The following TNRC6A variants were observed in gnomAD, a reference collection of about 807,000 sequenced individuals.
The protein encoded by TNRC6A is trinucleotide repeat-containing gene 6A protein.
A neutral mutation model predicts 221.2 loss-of-function variants in TNRC6A; 44 were observed. The ratio of observed to expected loss-of-function variants is 0.20; its 90% CI spans 0.16 to 0.26. TNRC6A has a LOEUF of 0.26. Ranked by LOEUF, TNRC6A falls within the 10% of genes least tolerant of loss-of-function variation. The pLI, the probability that TNRC6A is intolerant of heterozygous loss-of-function variation, is 1.00. For synonymous variants in TNRC6A, 847 were observed against 838.5 expected (o/e 1.01, Z -0.18); for missense variants, 2,199 against 2,404.4 (o/e 0.91, Z 1.79).
At chr16:24,685,845 A>G (rs747725405) in intron 2 of TNRC6A, among the ~76,000 whole-genome samples, 6 of 152,192 alleles carry the variant, frequency 3.9e-5, no homozygotes, top group Non-Finnish European at 5.9e-5. Flanking sequence ...TTCTAGATCC[A>G]AAATGTGTAG....
chr16:24,685,059 A>G (rs1215368175), intron 2 of TNRC6A, among the ~76,000 whole-genome samples: 1 of 152,066 alleles, frequency 6.6e-6, no homozygotes, highest in Admixed American at 6.6e-5. Flanking sequence ...CAAGAGGCCA[A>G]ATCCTTCCAA....
intron 2 of TNRC6A, among the ~76,000 whole-genome samples, chr16:24,689,843 T>C (rs2055715976): frequency 6.6e-6 from 1 of 151,898 alleles, no homozygotes. Context: ...CTCGAACCCC[T>C]GGGCTCAAGC....
intron 2 of TNRC6A, among the ~76,000 whole-genome samples, chr16:24,745,490 T>C (rs1434556912): frequency 6.6e-6 from 1 of 152,168 alleles, no homozygotes; most frequent in African/African-American, 2.4e-5. Flanking sequence ...TGGCAGAAGA[T>C]GTAAAGTGTA....
chr16:24,733,122 C>T (rs1265293395), intron 2 of TNRC6A, among the ~76,000 whole-genome samples: 1 of 152,044 alleles, frequency 6.6e-6, no homozygotes, highest in Admixed American at 6.5e-5. Context: ...GAGGCTGAGT[C>T]AGGAGAATTA....
intron 2 of TNRC6A, among the ~76,000 whole-genome samples, chr16:24,720,980 G>A (rs887323981): frequency 5.9e-5 from 9 of 152,144 alleles, no homozygotes; most frequent in Non-Finnish European, 7.4e-5. Flanking sequence ...GCATGAACCC[G>A]GGAGGTGGAG....
chr16:24,675,698 C>CTATATA (rs2055402994), intron 2 of TNRC6A, among the ~76,000 whole-genome samples: 2 of 66,588 alleles, frequency 3.0e-5, no homozygotes, highest in Non-Finnish European at 5.9e-5. Flanking sequence ...CTCTCTCTCT[C>CTATATA]TCTCTATATA....
At chr16:24,670,609 G>C (rs1353795613) in intron 2 of TNRC6A, among the ~76,000 whole-genome samples, 1 of 152,070 alleles carries the variant, frequency 6.6e-6, no homozygotes, top group African/African-American at 2.4e-5. Flanking sequence ...TCTCCTGTCT[G>C]TACTCCCTCT....
intron 2 of TNRC6A, among the ~76,000 whole-genome samples, chr16:24,648,389 G>A (rs1469454724): frequency 6.7e-6 from 1 of 149,666 alleles, no homozygotes; most frequent in Non-Finnish European, 1.5e-5. Flanking sequence ...TCCTGCCTCA[G>A]CCTCCCAAGT....
chr16:24,813,851 A>G (rs1393969460), intron 18 of TNRC6A, among the ~76,000 whole-genome samples: 2 of 152,268 alleles, frequency 1.3e-5, no homozygotes, highest in East Asian at 1.9e-4. Context: ...AGTTTTCATA[A>G]GTGGAAATTG....
At chr16:24,757,349 T>C (rs2057274648) in intron 3 of TNRC6A, among the ~76,000 whole-genome samples, 1 of 152,178 alleles carries the variant, frequency 6.6e-6, no homozygotes, top group Non-Finnish European at 1.5e-5. Flanking sequence ...TAAAATGGTA[T>C]TTTTGATAAC....
At chr16:24,618,252 C>T (rs979818164) in intron 1 of TNRC6A, among the ~76,000 whole-genome samples, 1 of 152,162 alleles carries the variant, frequency 6.6e-6, no homozygotes, top group Non-Finnish European at 1.5e-5. Flanking sequence ...ACTGAGCCAC[C>T]TTCTGTTAGG....
chr16:24,772,678 C>G (rs2057636930), intron 4 of TNRC6A, among the ~76,000 whole-genome samples: 1 of 152,028 alleles, frequency 6.6e-6, no homozygotes, highest in South Asian at 2.1e-4. Flanking sequence ...AGCTTCTCCT[C>G]AGGCTGAGGC....
intron 2 of TNRC6A, among the ~76,000 whole-genome samples, chr16:24,678,605 T>G (rs570981566): frequency 6.6e-6 from 1 of 152,266 alleles, no homozygotes; most frequent in East Asian, 1.9e-4. Context: ...CTTGAGAGGC[T>G]GAGCTGGGAG....
rs757679045 is a variant in TNRC6A, at chr16:24,777,054, ACAGCAGCAG to A, written c.291_299del (p.Gln101_Gln103del). On this transcript the variant is annotated inframe_deletion, in exon 5 of 25. Transcript: ENST00000395799. ...GAGCTACAGCCAACAATCAGCAGCC[ACAGCAGCAG>A]CAGCAACAGCAGCAGCCGCAGCAGC... 3.1e-6 allele frequency: 5 copies of A among 1,612,950 alleles called. No individual in the cohort carries two copies. In the Admixed American group the frequency reaches 5.0e-5, roughly 16 times the overall value.
intron 1 of TNRC6A, among the ~76,000 whole-genome samples, chr16:24,626,887 C>A (rs560590925): frequency 6.6e-6 from 1 of 150,712 alleles, no homozygotes; most frequent in East Asian, 2.0e-4. Context: ...CTCCTGACCT[C>A]GTGATCCACC....
intron 2 of TNRC6A, among the ~76,000 whole-genome samples, chr16:24,741,999 G>A (rs1312871419): frequency 6.6e-6 from 1 of 152,104 alleles, no homozygotes; most frequent in Non-Finnish European, 1.5e-5. Context: ...ACTGTACCTG[G>A]CTAATTTTTT....
At chr16:24,628,544 C>T (rs1298995315) in intron 1 of TNRC6A, among the ~76,000 whole-genome samples, 3 of 152,156 alleles carry the variant, frequency 2.0e-5, no homozygotes, top group African/African-American at 7.2e-5. Context: ...TTCCTCCTCC[C>T]CATTAACCTA....
intron 2 of TNRC6A, among the ~76,000 whole-genome samples, chr16:24,741,761 A>T (rs1313814783): frequency 6.6e-6 from 1 of 152,184 alleles, no homozygotes; most frequent in African/African-American, 2.4e-5. Flanking sequence ...CCTTCTTTGC[A>T]TCCTAACCTT....
At chr16:24,803,013 A>G (rs964472100) in intron 11 of TNRC6A, among the ~76,000 whole-genome samples, 3 of 152,236 alleles carry the variant, frequency 2.0e-5, no homozygotes, top group Admixed American at 6.5e-5. Flanking sequence ...GGAGAGGAGC[A>G]GACAGAGCAA....
Sources: allele counts gnomAD v4.1 joint callset (sites outside exome capture counted in the v4.1 genomes callset), GRCh38; gene constraint gnomAD v4.1.1; transcripts MANE v1.5; gene names NCBI Gene and HGNC (gene_info 2026-07-23, HGNC 2026-07-21).